CACNA2D1: variants seen among roughly 807,000 people sequenced by gnomAD.
CACNA2D1 encodes the protein calcium voltage-gated channel auxiliary subunit alpha2delta 1.
CACNA2D1 carries 53 observed loss-of-function variants against 171.5 expected under a neutral mutation model. The ratio of observed to expected loss-of-function variants is 0.31; its 90% confidence interval spans 0.25 to 0.39. The LOEUF is 0.39. Ranked by LOEUF, CACNA2D1 falls within the 10% of genes least tolerant of loss-of-function variation. The pLI, the probability that CACNA2D1 is intolerant of heterozygous loss-of-function variation, is 1.00. For missense variants in CACNA2D1, 903 were observed against 1,299.8 expected (o/e 0.69, Z 4.69); for synonymous variants, 442 against 443.1 (o/e 1.00, Z 0.03).
chr7:82,133,024 T>A (rs569513445), intron 5 of CACNA2D1, among the ~76,000 whole-genome samples: 4 of 152,322 alleles, frequency 2.6e-5, no homozygotes, highest in South Asian at 2.1e-4. Context: ...TCAGGTTGAT[T>A]TGACATGATA....
intron 10 of CACNA2D1, among the ~76,000 whole-genome samples, chr7:82,054,381 C>T (rs1805558126): frequency 6.6e-6 from 1 of 152,152 alleles, no homozygotes; most frequent in Admixed American, 6.5e-5. Flanking sequence ...ATTAACATTA[C>T]TTGGGAATAG....
At chr7:82,216,737 C>T (rs1384346995) in intron 3 of CACNA2D1, among the ~76,000 whole-genome samples, 1 of 151,834 alleles carries the variant, frequency 6.6e-6, no homozygotes, top group East Asian at 1.9e-4. Context: ...GTAGCTAAAG[C>T]ACAATGAATC....
chr7:82,442,746 G>A (rs955775163), intron 1 of CACNA2D1, among the ~76,000 whole-genome samples: 1 of 152,196 alleles, frequency 6.6e-6, no homozygotes. Context: ...ATAATGGGTT[G>A]GGGAGGTTGG....
chr7:82,291,503 T>G (rs1001231038), intron 3 of CACNA2D1, among the ~76,000 whole-genome samples: 4 of 137,418 alleles, frequency 2.9e-5, no homozygotes, highest in East Asian at 2.0e-4. Flanking sequence ...TTTTTATATA[T>G]AGATAGATCT....
chr7:82,219,410 T>C (rs1801514348), intron 3 of CACNA2D1, among the ~76,000 whole-genome samples: 2 of 152,132 alleles, frequency 1.3e-5, no homozygotes, highest in African/African-American at 4.8e-5. Context: ...CATGATCCAT[T>C]CCACATCTAC....
chr7:82,162,605 T>G lies in CACNA2D1; in HGVS notation c.354+7945A>C, dbSNP rs112780335. Among the ~76,000 whole-genome samples the G allele has an allele frequency of 9.4e-4, 142 of 151,766 alleles. 3 individuals carry two copies. In the South Asian group the frequency reaches 0.015, roughly 16 times the overall value. The stretch of plus-strand genomic sequence containing the variant: ...TTAAGAACTTGAAGAAAAATGTAGA[T>G]GAATATTCTTTAGTATTTCTTCTTT... On this transcript the variant is annotated intron_variant, in intron 4 of 38. Transcript: ENST00000356860.
chr7:82,381,313 C>CAA (rs11307965), intron 1 of CACNA2D1, among the ~76,000 whole-genome samples: 171 of 74,078 alleles, frequency 2.3e-3, no homozygotes, highest in African/African-American at 4.5e-3. Context: ...GACTCTGTCT[C>CAA]AAAAAAAAAA....
At chr7:82,246,227 A>C (rs1029063580) in intron 3 of CACNA2D1, among the ~76,000 whole-genome samples, 3 of 144,728 alleles carry the variant, frequency 2.1e-5, no homozygotes, top group Admixed American at 6.9e-5. Context: ...ATATGTATAT[A>C]TCTATATATA....
chr7:81,977,474 AAAAC>A (rs762564607), intron 24 of CACNA2D1, among the ~76,000 whole-genome samples: 1 of 152,138 alleles, frequency 6.6e-6, no homozygotes, highest in African/African-American at 2.4e-5. Context: ...AAACCTGACA[AAAAC>A]AAGCAATAGG....
chr7:82,095,212 C>T (rs1329937458), intron 6 of CACNA2D1, among the ~76,000 whole-genome samples: 2 of 152,058 alleles, frequency 1.3e-5, no homozygotes, highest in Non-Finnish European at 2.9e-5. Flanking sequence ...TTAAACTTCT[C>T]CCTTCTTTTT....
intron 3 of CACNA2D1, among the ~76,000 whole-genome samples, chr7:82,225,539 C>T (rs1399758050): frequency 1.3e-5 from 2 of 152,088 alleles, no homozygotes; most frequent in African/African-American, 2.4e-5. Context: ...TTTTTCAAGG[C>T]AATTTATGAC....
chr7:82,071,309 AAAG>A (rs1394307210), intron 7 of CACNA2D1, among the ~76,000 whole-genome samples: 1 of 152,154 alleles, frequency 6.6e-6, no homozygotes, highest in Non-Finnish European at 1.5e-5. Context: ...GCTTTATGCA[AAAG>A]AAGGATATCT....
intron 4 of CACNA2D1, among the ~76,000 whole-genome samples, chr7:82,149,906 G>A (rs1793614975): frequency 6.6e-6 from 1 of 151,966 alleles, no homozygotes; most frequent in Admixed American, 6.6e-5. Context: ...GCAGTCAGCC[G>A]AGATCGCGCC....
intron 2 of CACNA2D1, 82 bp downstream of exon 2, chr7:82,349,486 T>C (rs546608049): frequency 1.6e-5 from 17 of 1,093,864 alleles, no homozygotes; most frequent in African/African-American, 4.6e-5. Flanking sequence ...ATTTGTAATA[T>C]AGAGACACAG....
At chr7:82,168,494 T>C (rs1169518601) in intron 4 of CACNA2D1, among the ~76,000 whole-genome samples, 1 of 152,088 alleles carries the variant, frequency 6.6e-6, no homozygotes. Context: ...ACTAAGTGCC[T>C]TACAATTGAT....
chr7:82,331,384 A>T (rs1817284802), intron 3 of CACNA2D1, among the ~76,000 whole-genome samples: 1 of 152,152 alleles, frequency 6.6e-6, no homozygotes, highest in Non-Finnish European at 1.5e-5. Flanking sequence ...ATAAGCCTAC[A>T]ACTAAAATAG....
At chr7:81,961,652 T>C (rs538414387) in intron 36 of CACNA2D1, among the ~76,000 whole-genome samples, 1 of 152,088 alleles carries the variant, frequency 6.6e-6, no homozygotes, top group East Asian at 1.9e-4. Flanking sequence ...GTAATTATTA[T>C]AGTTGAAGAA....
chr7:82,392,543 C>T (rs1490255943), intron 1 of CACNA2D1, among the ~76,000 whole-genome samples: 1 of 152,106 alleles, frequency 6.6e-6, no homozygotes, highest in Non-Finnish European at 1.5e-5. Flanking sequence ...GTATGCAAGC[C>T]AGGCAAGGCC....
At chr7:82,328,595 C>G (rs761304743) in intron 3 of CACNA2D1, among the ~76,000 whole-genome samples, 9 of 152,252 alleles carry the variant, frequency 5.9e-5, no homozygotes, top group Non-Finnish European at 8.8e-5. Context: ...TCTCTGTCTG[C>G]TTTTTCTGGA....
Sources: allele counts gnomAD v4.1 joint callset (sites outside exome capture counted in the v4.1 genomes callset), GRCh38; gene constraint gnomAD v4.1.1; transcripts MANE v1.5; gene names NCBI Gene and HGNC (gene_info 2026-07-23, HGNC 2026-07-21).